Variants in VPS13B observed in about 807,000 individuals in gnomAD.
VPS13B encodes the protein intermembrane lipid transfer protein VPS13B.
In VPS13B, 285 loss-of-function variants were observed where a neutral mutation model predicts 426.4. That is an observed-to-expected ratio of 0.67 (90% CI 0.61 to 0.74). The LOEUF (loss-of-function observed/expected upper bound fraction) is 0.74. VPS13B is among the 30% of genes least tolerant of loss of function. The pLI is 0.00. For missense variants in VPS13B, 4,537 were observed against 4,782.6 expected, an observed-to-expected ratio of 0.95 and a Z score of 1.51; for synonymous variants, 1,676 against 1,676.4, an observed-to-expected ratio of 1.00 and a Z score of 0.01.
intron 24 of VPS13B, among the ~76,000 whole-genome samples, chr8:99,468,182 T>A (rs565678112): frequency 6.6e-6 from 1 of 152,134 alleles, no homozygotes; most frequent in East Asian, 1.9e-4. Flanking sequence ...GTGTGTGATG[T>A]TCCCCACCCT....
intron 29 of VPS13B, among the ~76,000 whole-genome samples, chr8:99,515,112 A>G (rs549725190): frequency 2.0e-5 from 3 of 152,214 alleles, no homozygotes; most frequent in African/African-American, 7.2e-5. Flanking sequence ...TTTCACTGAT[A>G]TGTTTGTGAC....
chr8:99,475,203 C>T lies in VPS13B; in HGVS notation c.3667-6396C>T, dbSNP rs529323040. On this transcript the variant is annotated intron_variant, in intron 24 of 61. Transcript: ENST00000357162. ...TACTTGTTGCCTGGAAGTAGAACAGCGAGAGAGAATAAAGAGGGGGTGATA... is the reference window on the plus strand; with the variant it reads ...TACTTGTTGCCTGGAAGTAGAACAGTGAGAGAGAATAAAGAGGGGGTGATA... Among the ~76,000 whole-genome samples the T allele has an allele frequency of 2.4e-3, 365 of 151,982 alleles. 1 individual carries two copies. Among genetic ancestry groups the T allele is most frequent in the South Asian group, 8.7e-3 (42 of 4,804 alleles).
chr8:99,401,641 G>A (rs748413598), intron 21 of VPS13B, among the ~76,000 whole-genome samples: 4 of 152,260 alleles, frequency 2.6e-5, no homozygotes, highest in South Asian at 4.1e-4. Flanking sequence ...CAAGGTGGGC[G>A]GATCACCTGA....
chr8:99,433,088 G>A (rs180865078), intron 22 of VPS13B, among the ~76,000 whole-genome samples: 110 of 152,288 alleles, frequency 7.2e-4, no homozygotes, highest in Admixed American at 1.2e-3. Flanking sequence ...GGAAACATTT[G>A]GGTACTCAAT....
chr8:99,109,022 G>A (rs932167505), intron 5 of VPS13B, among the ~76,000 whole-genome samples: 1 of 152,054 alleles, frequency 6.6e-6, no homozygotes, highest in African/African-American at 2.4e-5. Context: ...GGTTTTGGAA[G>A]TTTTCTCTAT....
At chr8:99,809,237 AT>A in intron 43 of VPS13B, 137 bp from the exon 44 acceptor site, 1 of 1,063,288 alleles carries the variant, frequency 9.4e-7, no homozygotes, top group Admixed American at 2.0e-5. Flanking sequence ...TTGGAAGTGG[AT>A]GAATAATGCA....
chr8:99,720,775 T>C (rs1438999706), intron 38 of VPS13B, 88 bp from the exon 39 acceptor site: 1 of 1,334,294 alleles, frequency 7.5e-7, no homozygotes, highest in Admixed American at 2.0e-5. Flanking sequence ...TTATATCTTT[T>C]ATTCTCATAA....
At chr8:99,475,937 A>C (rs757879572) in intron 24 of VPS13B, among the ~76,000 whole-genome samples, 29 of 152,212 alleles carry the variant, frequency 1.9e-4, no homozygotes, top group Non-Finnish European at 4.1e-4. Flanking sequence ...TACTTTATAA[A>C]TCTCATAAAA....
intron 39 of VPS13B, among the ~76,000 whole-genome samples, chr8:99,760,964 A>C (rs902290014): frequency 6.6e-6 from 1 of 152,222 alleles, no homozygotes; most frequent in African/African-American, 2.4e-5. Context: ...TATATCAGGG[A>C]CTTGAGCATC....
At position 99,275,255 on chromosome 8, in the gene VPS13B, G is replaced by GT; in HGVS notation, c.2824+2dup. Reference sequence around the variant, plus strand: ...TATATTGACTACTGCCACAATTCCGGTAAGTACAAACCTATCATTATTCCC... The same window carrying GT: ...TATATTGACTACTGCCACAATTCCGGTTAAGTACAAACCTATCATTATTCCC... On this transcript the variant is annotated splice_donor_variant, in intron 19 of 61. Transcript: ENST00000357162. LOFTEE classifies it high-confidence loss of function. The GT allele has an allele frequency of 6.2e-7, 1 of 1,605,414 alleles. No homozygotes were observed. The highest frequency in any genetic ancestry group is 8.5e-7 in the Non-Finnish European group (1 of 1,176,508).
chr8:99,350,704 C>A (rs1009048728), intron 19 of VPS13B, among the ~76,000 whole-genome samples: 1 of 151,890 alleles, frequency 6.6e-6, no homozygotes, highest in Non-Finnish European at 1.5e-5. Context: ...AAATAAATCA[C>A]TTGGATAGGA....
At chr8:99,452,636 A>G (rs1191808133) in intron 23 of VPS13B, among the ~76,000 whole-genome samples, 1 of 152,200 alleles carries the variant, frequency 6.6e-6, no homozygotes, top group Non-Finnish European at 1.5e-5. Context: ...TTGAAAAATA[A>G]TTCCTGGTCT....
chr8:99,624,008 T>TATATA (rs61596072), intron 33 of VPS13B, among the ~76,000 whole-genome samples: 229 of 71,440 alleles, frequency 3.2e-3, no homozygotes, highest in African/African-American at 0.012. Flanking sequence ...TATATATATA[T>TATATA]TTTTTTTTTT....
chr8:99,407,347 T>C (rs945099465), intron 21 of VPS13B, among the ~76,000 whole-genome samples: 1 of 152,216 alleles, frequency 6.6e-6, no homozygotes, highest in Non-Finnish European at 1.5e-5. Context: ...TCATGAATGA[T>C]AATAGCTTCT....
intron 17 of VPS13B, among the ~76,000 whole-genome samples, chr8:99,232,285 G>A (rs1816370149): frequency 6.6e-6 from 1 of 152,136 alleles, no homozygotes; most frequent in Non-Finnish European, 1.5e-5. Context: ...GAAGCAAAGA[G>A]AAATGGATGT....
chr8:99,156,167 A>G (rs1370186664), intron 14 of VPS13B, among the ~76,000 whole-genome samples: 1 of 152,200 alleles, frequency 6.6e-6, no homozygotes, highest in Non-Finnish European at 1.5e-5. Flanking sequence ...CTAAATGTGA[A>G]TAAAAGAGAT....
At chr8:99,443,640 G>A (rs1398699291) in intron 23 of VPS13B, among the ~76,000 whole-genome samples, 3 of 152,048 alleles carry the variant, frequency 2.0e-5, no homozygotes, top group African/African-American at 7.2e-5. Flanking sequence ...GATTCATGTT[G>A]TAGCAGTCTT....
At chr8:99,717,978 C>T (rs1366052105) in intron 37 of VPS13B, among the ~76,000 whole-genome samples, 1 of 152,114 alleles carries the variant, frequency 6.6e-6, no homozygotes, top group Non-Finnish European at 1.5e-5. Context: ...ATAATGCTGC[C>T]ATGACCATTT....
At chr8:99,390,071 A>G (rs1227569915) in intron 20 of VPS13B, among the ~76,000 whole-genome samples, 2 of 151,722 alleles carry the variant, frequency 1.3e-5, no homozygotes, top group Admixed American at 6.6e-5. Context: ...GATGCTTTCG[A>G]TAATTTATTT....
Sources: gnomAD v4.1 joint callset for allele counts (sites outside exome capture counted in the v4.1 genomes callset) on GRCh38, gnomAD v4.1.1 for gene constraint, MANE v1.5 for transcripts, NCBI Gene and HGNC (gene_info 2026-07-23, HGNC 2026-07-21) for gene names.